The following CTNNA2 variants were observed in gnomAD, a reference collection of about 807,000 sequenced individuals.
CTNNA2 encodes the protein catenin alpha 2.
CTNNA2 carries 42 observed loss-of-function variants against 101.0 expected under a neutral mutation model. That is an observed-to-expected ratio of 0.42 (90% CI 0.32 to 0.54). CTNNA2 has a LOEUF of 0.54. Among genes scored for constraint, CTNNA2 ranks in the 20% least tolerant of loss-of-function variants. The pLI is 0.14. For synonymous variants in CTNNA2, 450 were observed against 456.4 expected (o/e 0.99, Z 0.18); for missense variants, 871 against 1,223.1 (o/e 0.71, Z 4.29).
chr2:79,631,379 T>C (rs1338409457), intron 1 of CTNNA2, among the ~76,000 whole-genome samples: 3 of 150,522 alleles, frequency 2.0e-5, no homozygotes, highest in Non-Finnish European at 4.4e-5. Flanking sequence ...CATTCATACT[T>C]GGGGCCCACG....
intron 7 of CTNNA2, among the ~76,000 whole-genome samples, chr2:79,996,628 G>A (rs1039430794): frequency 1.3e-5 from 2 of 152,140 alleles, no homozygotes; most frequent in Non-Finnish European, 2.9e-5. Flanking sequence ...CTTATACAAA[G>A]GAGAGATTTT....
intron 12 of CTNNA2, among the ~76,000 whole-genome samples, chr2:80,557,383 T>C (rs996646698): frequency 2.0e-5 from 3 of 152,194 alleles, no homozygotes; most frequent in African/African-American, 7.2e-5. Flanking sequence ...TTAAGGACTT[T>C]TTCATTAGTA....
At chr2:79,446,461 G>A (rs1678834621) in intron 4 of CTNNA2, among the ~76,000 whole-genome samples, 2 of 152,048 alleles carry the variant, frequency 1.3e-5, no homozygotes, top group South Asian at 2.1e-4. Context: ...GGACACCACC[G>A]TGGTTTCTTT....
intron 5 of CTNNA2, 121 bp downstream of exon 5, chr2:79,870,056 G>A (rs1682466539): frequency 6.9e-6 from 9 of 1,300,020 alleles, no homozygotes; most frequent in Non-Finnish European, 9.5e-6. Context: ...CTAAGAACCT[G>A]TGATGACAAA....
At chr2:79,655,288 A>G (rs34997134) in intron 2 of CTNNA2, among the ~76,000 whole-genome samples, 1 of 152,190 alleles carries the variant, frequency 6.6e-6, no homozygotes, top group South Asian at 2.1e-4. Flanking sequence ...ATATTAGAAT[A>G]CAGTACCTGG....
rs542905325 is a variant in CTNNA2 at position 79,439,320 on chromosome 2, G to C, written c.-135+65307G>C. ...CTAAGTGAAAGAGCCAGTCACAAAA[G>C]CTCCCATATTGTATGATTTCATTTC... On this transcript the variant is annotated intron_variant, in intron 4 of 21. Coordinates refer to the CTNNA2 transcript ENST00000466387. Among the ~76,000 whole-genome samples the C allele has an allele frequency of 2.3e-4, 35 of 152,286 alleles. No individual in the cohort carries two copies. In the South Asian group the frequency reaches 6.8e-3, roughly 30 times the overall value.
chr2:79,325,594 A>G (rs549261591), intron 3 of CTNNA2, among the ~76,000 whole-genome samples: 2 of 152,196 alleles, frequency 1.3e-5, no homozygotes, highest in Non-Finnish European at 2.9e-5. Flanking sequence ...TCCCCAGTGC[A>G]TTGTGAAATG....
intron 2 of CTNNA2, among the ~76,000 whole-genome samples, chr2:79,667,979 G>A (rs1181862553): frequency 6.6e-6 from 1 of 151,032 alleles, no homozygotes; most frequent in Non-Finnish European, 1.5e-5. Flanking sequence ...GGTGGCTCAC[G>A]CCTGTAATCC....
intron 2 of CTNNA2, among the ~76,000 whole-genome samples, chr2:79,654,644 A>G (rs1681482195): frequency 1.3e-5 from 2 of 152,238 alleles, no homozygotes; most frequent in Non-Finnish European, 2.9e-5. Context: ...CACATCTGCA[A>G]ATTCCCTTCT....
intron 9 of CTNNA2, among the ~76,000 whole-genome samples, chr2:80,509,497 C>T (rs1357594095): frequency 6.6e-6 from 1 of 152,122 alleles, no homozygotes; most frequent in African/African-American, 2.4e-5. Context: ...GTAGGGTTAT[C>T]TAACATATTG....
chr2:80,560,453 T>G (rs550842740), intron 12 of CTNNA2, among the ~76,000 whole-genome samples: 16 of 152,310 alleles, frequency 1.1e-4, no homozygotes. Flanking sequence ...GGTTTTTTCC[T>G]GTATTGCCCA....
intron 7 of CTNNA2, among the ~76,000 whole-genome samples, chr2:80,307,465 TA>T: frequency 6.6e-6 from 1 of 151,770 alleles, no homozygotes; most frequent in South Asian, 2.1e-4. Flanking sequence ...TCCAATGAAC[TA>T]AAAAAGGAAA....
chr2:80,350,728 T>C (rs559543721), intron 7 of CTNNA2, among the ~76,000 whole-genome samples: 1 of 152,316 alleles, frequency 6.6e-6, no homozygotes, highest in Non-Finnish European at 1.5e-5. Context: ...GCCTTGATTA[T>C]ATCTGGAAGA....
intron 7 of CTNNA2, among the ~76,000 whole-genome samples, chr2:80,150,898 G>A (rs997013328): frequency 6.6e-6 from 1 of 152,164 alleles, no homozygotes; most frequent in Non-Finnish European, 1.5e-5. Flanking sequence ...GTGAGGGATG[G>A]TCGTGGGCAG....
At chr2:79,859,592 A>C (rs1681422500) in intron 4 of CTNNA2, among the ~76,000 whole-genome samples, 1 of 151,530 alleles carries the variant, frequency 6.6e-6, no homozygotes. Flanking sequence ...AGCAGGGGAC[A>C]CCAAGAAACT....
chr2:80,052,617 A>G (rs1696947402), intron 7 of CTNNA2, among the ~76,000 whole-genome samples: 1 of 152,260 alleles, frequency 6.6e-6, no homozygotes, highest in Non-Finnish European at 1.5e-5. Context: ...CTTCAAATAG[A>G]GTAAAACTTA....
intron 12 of CTNNA2, among the ~76,000 whole-genome samples, chr2:80,571,871 G>T (rs2149697964): frequency 6.6e-6 from 1 of 152,148 alleles, no homozygotes; most frequent in East Asian, 1.9e-4. Flanking sequence ...TTCATTCTCA[G>T]GTTTTGTATA....
chr2:80,230,790 G>A (rs10180245), intron 7 of CTNNA2, among the ~76,000 whole-genome samples: 21,497 of 151,988 alleles, frequency 0.14, 3,737 homozygotes, highest in African/African-American at 0.42. Context: ...GAGCTACTAG[G>A]TAGAGTTCAT....
At chr2:79,254,023 G>A (rs1674807665) in intron 2 of CTNNA2, among the ~76,000 whole-genome samples, 1 of 152,078 alleles carries the variant, frequency 6.6e-6, no homozygotes, top group South Asian at 2.1e-4. Flanking sequence ...AATTAGAGTT[G>A]GCCTCAGATG....
Sources: allele counts gnomAD v4.1 joint callset (sites outside exome capture counted in the v4.1 genomes callset), GRCh38; gene constraint gnomAD v4.1.1; transcripts MANE v1.5; gene names NCBI Gene and HGNC (gene_info 2026-07-23, HGNC 2026-07-21).